ZSCAN5A: variants seen among roughly 807,000 people sequenced by gnomAD.
ZSCAN5A encodes zinc finger and SCAN domain-containing protein 5A.
A neutral mutation model predicts 23.7 loss-of-function variants in ZSCAN5A; 12 were observed. The observed-to-expected ratio is 0.51, with a 90% confidence interval of 0.32 to 0.82. The LOEUF is 0.82. Among genes scored for constraint, ZSCAN5A ranks in the 40% least tolerant of loss-of-function variants. The pLI, the probability that ZSCAN5A is intolerant of heterozygous loss-of-function variation, is 0.03. For missense variants in ZSCAN5A, 597 were observed against 617.9 expected, an observed-to-expected ratio of 0.97 and a Z score of 0.36; for synonymous variants, 257 against 239.9, an observed-to-expected ratio of 1.07 and a Z score of -0.66.
At chr19:56,315,519 C>T (rs2041292249), upstream of ZSCAN5A, 1 of 152,250 alleles carries the variant, frequency 6.6e-6, no homozygotes, top group Non-Finnish European at 1.5e-5. Flanking sequence ...ACGGCCCCTC[C>T]CAGTTCCCCT....
chr19:56,228,170 A>C (rs978616752), intron 2 of ZSCAN5A: 1 of 976,774 alleles, frequency 1.0e-6, no homozygotes, highest in African/African-American at 1.8e-5. Flanking sequence ...AAAACGCACG[A>C]AAAAATAAAC....
intron 4 of ZSCAN5A, among the ~76,000 whole-genome samples, chr19:56,223,031 A>C (rs111580711): frequency 0.01 from 1,544 of 152,070 alleles, 27 homozygotes; most frequent in African/African-American, 0.035. Context: ...GTCTCCCTGC[A>C]CCTGACACTG....
In ZSCAN5A at chr19:56,342,615, C is replaced by G. The variant is rs1450345458; in HGVS notation, c.-358+20620G>C. The G allele has an allele frequency of 1.1e-5, 5 of 451,436 alleles. No homozygotes were observed. The Admixed American group carries it at 1.4e-4, about 13-fold the overall frequency. 28.0% of individuals were successfully genotyped at this position (451,436 alleles called of 1,614,324 possible). A position where few individuals can be genotyped will look rare whatever the true frequency, so the allele number is the denominator to read the frequency against. ...CTGACTCTGAACATCCTGCACTCTT[C>G]CTTGATTAGGGAAAAAAATTTGGAA... On this transcript the variant is annotated intron_variant, in intron 2 of 6. Transcript: ENST00000587340.
Position 56,352,033 on chromosome 19 carries a change from T to C in ZSCAN5A, c.-358+11202A>G, listed in dbSNP as rs746921056. 6.6e-5 allele frequency among the ~76,000 whole-genome samples: 10 copies of C among 152,234 alleles called. No homozygotes were observed. Among genetic ancestry groups the C allele is most frequent in the Non-Finnish European group, 1.0e-4 (7 of 68,038 alleles). ...TCAGGAAGGGATGCGGTGAAGATAC[T>C]GATGGAGTGCCTTCTTTATGCCCTG... On this transcript the variant is annotated intron_variant, in intron 2 of 6. Transcript: ENST00000587340. This position sits in a 1 kb window ranked among gnomAD's most constrained non-coding sequence, Gnocchi z 4.2.
chr19:56,366,422 CAAAAAAAA>C (rs34420866), intron 1 of ZSCAN5A, among the ~76,000 whole-genome samples: 1 of 83,170 alleles, frequency 1.2e-5, no homozygotes, highest in African/African-American at 3.8e-5. Context: ...GACTCTGTCT[CAAAAAAAA>C]AAAAAAAAAA....
intron 2 of ZSCAN5A, among the ~76,000 whole-genome samples, chr19:56,296,733 C>T (rs1053234628): frequency 1.3e-5 from 2 of 152,068 alleles, no homozygotes; most frequent in African/African-American, 4.8e-5. Flanking sequence ...AAACGCAGTG[C>T]GGGAAACTTA....
At chr19:56,333,883 T>C (rs930025601) in intron 2 of ZSCAN5A, among the ~76,000 whole-genome samples, 2 of 151,856 alleles carry the variant, frequency 1.3e-5, no homozygotes, top group African/African-American at 4.8e-5. Flanking sequence ...AAGAATCTTG[T>C]CTGCATGAAA....
At chr19:56,267,788 A>G (rs891410434) in intron 2 of ZSCAN5A, among the ~76,000 whole-genome samples, 3 of 152,150 alleles carry the variant, frequency 2.0e-5, no homozygotes, top group Non-Finnish European at 2.9e-5. Context: ...CCCATCTCAT[A>G]GTGTTGTAGG....
In ZSCAN5A at chr19:56,352,587, T is replaced by C. The variant is rs147569698; in HGVS notation, c.-358+10648A>G. On this transcript the variant is annotated intron_variant, in intron 2 of 6. Coordinates refer to the ZSCAN5A transcript ENST00000587340. This position sits in a 1 kb window ranked among gnomAD's most constrained non-coding sequence, Gnocchi z 4.2. The stretch of plus-strand genomic sequence containing the variant: ...CAGGGGAGAGAGACCCAACTCTGAA[T>C]ATAGCAATGATAGTTGGTTTTTTGT... Among the ~76,000 whole-genome samples the C allele has an allele frequency of 6.6e-6, 1 of 152,242 alleles. No homozygotes were observed. Among genetic ancestry groups the C allele is most frequent in the Non-Finnish European group, 1.5e-5 (1 of 68,034 alleles).
rs56162902 is a variant in ZSCAN5A at position 56,358,093 on chromosome 19, G to A, written c.-358+5142C>T. Among the ~76,000 whole-genome samples the A allele has an allele frequency of 8.5e-3, 1,269 of 148,846 alleles. 92 individuals carry two copies. The highest frequency in any genetic ancestry group is 0.026 in the South Asian group (121 of 4,664). ...CATAAATATATATTCACCCAATACAGGAGCACCCAGATTCATAAAACAAGT... is the reference window on the plus strand; with the variant it reads ...CATAAATATATATTCACCCAATACAAGAGCACCCAGATTCATAAAACAAGT... On this transcript the variant is annotated intron_variant, in intron 2 of 6. Transcript: ENST00000587340.
At chr19:56,350,596 T>C (rs1486600015) in intron 2 of ZSCAN5A, among the ~76,000 whole-genome samples, 1 of 152,138 alleles carries the variant, frequency 6.6e-6, no homozygotes, top group Non-Finnish European at 1.5e-5. Context: ...CGCTTTTCTC[T>C]AGGAAAAAGT....
intron 2 of ZSCAN5A, among the ~76,000 whole-genome samples, chr19:56,271,798 G>A (rs1464056206): frequency 6.6e-6 from 1 of 152,142 alleles, no homozygotes; most frequent in African/African-American, 2.4e-5. Context: ...AACCTTCAGA[G>A]CTTAGATAGA....
At chr19:56,317,602 C>T (rs1286364023), upstream of ZSCAN5A, 4 of 152,350 alleles carry the variant, frequency 2.6e-5, no homozygotes, top group Middle Eastern at 3.4e-3. Context: ...TTTTTGGGGA[C>T]CCATCCACTT....
intron 2 of ZSCAN5A, among the ~76,000 whole-genome samples, chr19:56,270,149 GAAAAA>G (rs11350502): frequency 6.9e-6 from 1 of 145,660 alleles, no homozygotes; most frequent in African/African-American, 2.5e-5. Context: ...CACGCTGGGT[GAAAAA>G]AAAAAAAAAG....
intron 2 of ZSCAN5A, among the ~76,000 whole-genome samples, chr19:56,229,672 G>A (rs1350909593): frequency 3.3e-5 from 5 of 152,132 alleles, no homozygotes; most frequent in Admixed American, 6.6e-5. Flanking sequence ...GGAAGAGACC[G>A]CATCGAATCT....
rs140989633 is a variant in ZSCAN5A at position 56,330,888 on chromosome 19, T to A, written c.-357-14620A>T. 9.1e-4 allele frequency among the ~76,000 whole-genome samples: 138 copies of A among 152,314 alleles called. 1 individual carries two copies. The highest frequency in any genetic ancestry group is 1.5e-3 in the Non-Finnish European group (100 of 68,030). On this transcript the variant is annotated intron_variant, in intron 2 of 6. Coordinates refer to the ZSCAN5A transcript ENST00000587340. ...GTAATAAATTTTTTTCCAAAGCCAATCTTCAGAATGGTGTTTCCTAGGTTT... is the reference window on the plus strand; with the variant it reads ...GTAATAAATTTTTTTCCAAAGCCAAACTTCAGAATGGTGTTTCCTAGGTTT...
intron 2 of ZSCAN5A, among the ~76,000 whole-genome samples, chr19:56,302,340 T>C (rs1212076095): frequency 3.1e-5 from 4 of 129,428 alleles, no homozygotes; most frequent in East Asian, 2.8e-4. Context: ...CCTCCTTCCC[T>C]TTCCTCTTCC....
intron 1 of ZSCAN5A, chr19:56,367,863 G>C (rs574665695): frequency 1.3e-5 from 2 of 152,166 alleles, no homozygotes; most frequent in East Asian, 3.9e-4. Context: ...ACCTCACGGA[G>C]AATGGGGCCA....
chr19:56,337,709 C>T (rs762546873), intron 2 of ZSCAN5A, among the ~76,000 whole-genome samples: 1 of 152,172 alleles, frequency 6.6e-6, no homozygotes, highest in Non-Finnish European at 1.5e-5. Context: ...TGGAGCTGTT[C>T]CTATTCAGCC....
Sources: allele counts gnomAD v4.1 joint callset (sites outside exome capture counted in the v4.1 genomes callset), GRCh38; gene constraint gnomAD v4.1.1; non-coding constraint Gnocchi (gnomAD v3.1); transcripts MANE v1.5; gene names NCBI Gene and HGNC (gene_info 2026-07-23, HGNC 2026-07-21).